TRPM2: variants seen among roughly 807,000 people sequenced by gnomAD.
TRPM2 encodes estrogen-responsive element-associated gene 1 protein.
Under a neutral mutation model 174.0 loss-of-function variants are expected in TRPM2, and 161 were observed. The observed-to-expected ratio is 0.93, with a 90% confidence interval of 0.81 to 1.05. The LOEUF is 1.05. Ranked by LOEUF, TRPM2 falls within the 50% of genes least tolerant of loss-of-function variation. The pLI, the probability that TRPM2 is intolerant of heterozygous loss-of-function variation, is 0.00. For synonymous variants in TRPM2, 954 were observed against 861.3 expected (o/e 1.11, Z -1.88); for missense variants, 2,057 against 2,038.0 (o/e 1.01, Z -0.18).
chr21:44,401,922 G>A lies in TRPM2; in HGVS notation c.2538+25G>A, dbSNP rs200023710. 233 of 1,612,674 alleles carry A rather than the reference G, an allele frequency of 1.4e-4. 1 individual carries two copies. The highest frequency in any genetic ancestry group is 1.9e-4 in the Non-Finnish European group (225 of 1,179,584). On this transcript the variant is annotated intron_variant, in intron 16 of 31. Transcript: ENST00000397928. ...GGTACAGCCCCACCCGCTTTTCCAC[G>A]CCCCAGCCCGGGGCCACCCACTTGG...
intron 19 of TRPM2, among the ~76,000 whole-genome samples, 192 bp downstream of exon 19, chr21:44,406,957 G>A (rs1237767515): frequency 6.7e-6 from 1 of 149,684 alleles, no homozygotes; most frequent in Non-Finnish European, 1.5e-5. Flanking sequence ...CCCCACCAGG[G>A]GAGGGAGGAG....
At chr21:44,436,971 C>T (rs1569120946) in intron 28 of TRPM2, 91 bp from the exon 29 acceptor site, 1 of 1,167,866 alleles carries the variant, frequency 8.6e-7, no homozygotes, top group African/African-American at 1.5e-5. Flanking sequence ...CCTGACACTG[C>T]CCCGCCCCAG....
Position 44,369,164 on chromosome 21 carries a change from G to A in TRPM2, c.605-13G>A. Reference sequence around the variant, plus strand: ...AGTGCTGTGGGGCCTGCCCACCCGTGCTCCTTCCCCAGGGGCCTGGATCAT... The same window carrying A: ...AGTGCTGTGGGGCCTGCCCACCCGTACTCCTTCCCCAGGGGCCTGGATCAT... On this transcript the variant is annotated splice_polypyrimidine_tract_variant and intron_variant, in intron 4 of 31. Transcript: ENST00000397928. 6.3e-7 allele frequency: 1 copy of A among 1,593,062 alleles called. No homozygotes were observed. The highest frequency in any genetic ancestry group is 8.6e-7 in the Non-Finnish European group (1 of 1,168,812).
At chr21:44,428,647 T>C in intron 27 of TRPM2, among the ~76,000 whole-genome samples, 1 of 149,192 alleles carries the variant, frequency 6.7e-6, no homozygotes, top group South Asian at 2.1e-4. Flanking sequence ...GGCTCCTCCC[T>C]GAGGTGTGGC....
intron 11 of TRPM2, among the ~76,000 whole-genome samples, chr21:44,393,854 C>T (rs746794040): frequency 4.6e-5 from 7 of 151,838 alleles, no homozygotes; most frequent in Non-Finnish European, 7.4e-5. Flanking sequence ...TTGAGAAAGA[C>T]ATGGGTATGA....
chr21:44,381,346 T>C (rs1334112683), intron 8 of TRPM2, among the ~76,000 whole-genome samples: 1 of 151,212 alleles, frequency 6.6e-6, no homozygotes. Flanking sequence ...CAAGGAGGAG[T>C]AACTGTAGTA....
rs7276812 is a variant in TRPM2, at chr21:44,359,759, T to A, written c.255-4355T>A. On this transcript the variant is annotated intron_variant, in intron 2 of 31. Coordinates refer to ENST00000397928, the MANE Select transcript of TRPM2 (RefSeq NM_003307.4). ...CATATATATGTATATATATATATAT[T>A]TTTTTTGAGACGGAGTCTTGCTCTG... is the stretch of plus-strand genomic sequence containing the variant. 7.4e-3 allele frequency among the ~76,000 whole-genome samples: 1,096 copies of A among 147,964 alleles called. 8 individuals are homozygous for A. The highest frequency in any genetic ancestry group is 0.022 in the Middle Eastern group (6 of 278).
chr21:44,435,042 G>A lies in TRPM2; in HGVS notation c.3975-89G>A, dbSNP rs41277556. ...GTCCCGCTGTGCGCCGGCTCCTGAC[G>A]CCCGCTGTCCCCTCTCAGTCCCCCT... On this transcript the variant is annotated intron_variant, in intron 27 of 31. Transcript: ENST00000397928. The A allele has an allele frequency of 0.75, 991,704 of 1,319,108 alleles. 375,506 individuals are homozygous for A. Among genetic ancestry groups the A allele is most frequent in the East Asian group, 0.84 (35,521 of 42,508 alleles). The allele number at this position is 1,319,108 out of a possible 1,614,324, so 81.7% of individuals were successfully genotyped here.
Position 44,399,149 on chromosome 21 carries a change from G to T in TRPM2, c.2063-147G>T, listed in dbSNP as rs1025102465. On this transcript the variant is annotated intron_variant, in intron 13 of 31. Coordinates refer to ENST00000397928, the MANE Select transcript of TRPM2 (RefSeq NM_003307.4). The surrounding 1 kb of genome is among the most constrained non-coding windows in gnomAD (Gnocchi z 4.6). ...CCTGGGGTCCTCGTCCCTGGGCCTGGGTGTTTTGAGACACCAGCCCCACAT... is the reference window on the plus strand; with the variant it reads ...CCTGGGGTCCTCGTCCCTGGGCCTGTGTGTTTTGAGACACCAGCCCCACAT... 6 of 1,060,870 alleles carry T rather than the reference G, an allele frequency of 5.7e-6. No homozygotes were observed. The highest frequency in any genetic ancestry group is 1.9e-5 in the South Asian group (1 of 53,816). 65.7% of individuals were successfully genotyped at this position (1,060,870 alleles called of 1,614,324 possible).
At chr21:44,382,608 A>G in intron 8 of TRPM2, 110 bp from the exon 9 acceptor site, 3 of 994,496 alleles carry the variant, frequency 3.0e-6, no homozygotes, top group Non-Finnish European at 4.6e-6. Context: ...CCACAAGCGC[A>G]GGCAGGACCC....
At chr21:44,373,404 C>G (rs1187911305) in intron 5 of TRPM2, among the ~76,000 whole-genome samples, 2 of 152,126 alleles carry the variant, frequency 1.3e-5, no homozygotes, top group Non-Finnish European at 2.9e-5. Context: ...CCAGGCTGGT[C>G]TCGAACTCCT....
rs7276453 is a variant in TRPM2, at chr21:44,378,060, C to A, written c.1014+287C>A. Among the ~76,000 whole-genome samples, 151,424 of 152,266 alleles carry A rather than the reference C, an allele frequency of 0.99. 75,313 individuals are homozygous for A. The highest frequency in any genetic ancestry group is 1 in the Middle Eastern group (294 of 294). ...GCCCCAGGGCCTGGAGTGAGTGGGG[C>A]GCCTCTGCTCCCAGGACCTGCTGGG... On this transcript the variant is annotated intron_variant, in intron 7 of 31. Coordinates refer to ENST00000397928, the MANE Select transcript of TRPM2 (RefSeq NM_003307.4).
intron 7 of TRPM2, among the ~76,000 whole-genome samples, chr21:44,378,477 C>T (rs545910792): frequency 2.2e-4 from 34 of 152,294 alleles, no homozygotes; most frequent in African/African-American, 8.2e-4. Flanking sequence ...TCCTCACTCC[C>T]TATGCGTGCC....
At chr21:44,383,756 A>G (rs1263117239) in intron 9 of TRPM2, among the ~76,000 whole-genome samples, 2 of 152,258 alleles carry the variant, frequency 1.3e-5, no homozygotes, top group African/African-American at 4.8e-5. Context: ...AAACGACACT[A>G]CCTTACACAG....
chr21:44,413,205 G>A (rs1191853223), intron 19 of TRPM2, among the ~76,000 whole-genome samples: 11 of 114,224 alleles, frequency 9.6e-5, no homozygotes, highest in Non-Finnish European at 1.7e-4. Flanking sequence ...TGGGATAGTT[G>A]TTATTTTTTT....
intron 30 of TRPM2, among the ~76,000 whole-genome samples, chr21:44,440,135 G>A (rs1297437949): frequency 3.3e-5 from 5 of 151,014 alleles, no homozygotes; most frequent in South Asian, 4.2e-4. Context: ...TCAGGAGTTC[G>A]AGACCAGCCT....
At chr21:44,417,309 AGGGCGTGGCTCTGCTCTCTGGC>A (rs2050331219) in intron 20 of TRPM2, among the ~76,000 whole-genome samples, 7 of 70,804 alleles carry the variant, frequency 9.9e-5, no homozygotes, top group African/African-American at 1.8e-4. Context: ...AGTGGGCACA[AGGGCGTGGCTCTGCTCTCTGGC>A]ATCACAGTGG....
intron 23 of TRPM2, 59 bp downstream of exon 23, chr21:44,423,791 T>A (rs2050638577): frequency 7.1e-7 from 1 of 1,416,388 alleles, no homozygotes; most frequent in Non-Finnish European, 9.7e-7. Flanking sequence ...GGTGGGCGGC[T>A]CTGCCATGTG....
intron 19 of TRPM2, among the ~76,000 whole-genome samples, chr21:44,409,083 G>A (rs968834328): frequency 1.3e-5 from 2 of 151,882 alleles, no homozygotes; most frequent in Non-Finnish European, 2.9e-5. Flanking sequence ...AATTTTTTTT[G>A]TCAATCTGTG....
Sources: gnomAD v4.1 joint callset for allele counts (sites outside exome capture counted in the v4.1 genomes callset) on GRCh38, gnomAD v4.1.1 for gene constraint, Gnocchi (gnomAD v3.1) non-coding constraint, MANE v1.5 for transcripts, NCBI Gene and HGNC (gene_info 2026-07-23, HGNC 2026-07-21) for gene names.